The following BBS12 variants were observed in gnomAD, a reference collection of about 807,000 sequenced individuals.
BBS12 encodes the protein Bardet-Biedl syndrome 12.
Under a neutral mutation model 5.6 loss-of-function variants are expected in BBS12, and 5 were observed. That is an observed-to-expected ratio of 0.89 (90% CI 0.46 to 1.86). The LOEUF (loss-of-function observed/expected upper bound fraction) is 1.86, where lower values mean the gene tolerates loss of function less well. Ranked by LOEUF, BBS12 falls within the 40% of genes most tolerant of loss-of-function variation. The pLI, the probability that BBS12 is intolerant of heterozygous loss-of-function variation, is 0.01. For missense variants in BBS12, 748 were observed against 830.4 expected (o/e 0.90, Z 1.22); for synonymous variants, 308 against 306.8 (o/e 1.00, Z -0.04).
In BBS12 at chr4:122,744,054, T is replaced by C. The variant is rs1800947058; in HGVS notation, c.*29T>C. The C allele has an allele frequency of 1.3e-6, 2 of 1,585,576 alleles. No homozygotes were observed. The highest frequency in any genetic ancestry group is 1.7e-6 in the Non-Finnish European group (2 of 1,154,574). On this transcript the variant is annotated 3_prime_UTR_variant, in exon 2 of 2. Coordinates refer to ENST00000314218, the MANE Select transcript of BBS12 (RefSeq NM_152618.3). The stretch of plus-strand genomic sequence containing the variant: ...TACTGGCTAAGTCTTTGGAAAATAA[T>C]TTTTCATAATATGTCATGCTAATAA...
rs1332656784 is a variant in BBS12, at chr4:122,743,402, C to T, written c.1510C>T (p.Leu504Phe). Residue 504 changes from leucine (L) to phenylalanine (F), a missense_variant, in exon 2 of 2, where the codon CTC becomes TTC. Coordinates refer to ENST00000314218, the MANE Select transcript of BBS12 (RefSeq NM_152618.3). ...AGGAATTAATTTGGTTACGGCCGTG[C>T]TCACTAACCCAGTTACTGCACAGAT... ...TEGINLVTAV[L>F]TNPVTAQMQI... 3.1e-6 allele frequency: 5 copies of T among 1,614,192 alleles called. No individual in the cohort carries two copies. The highest frequency in any genetic ancestry group is 1.1e-5 in the South Asian group (1 of 91,090).
chr4:122,708,477 G>A, the BBS12 span, among the ~76,000 whole-genome samples: 2 of 152,160 alleles, frequency 1.3e-5, no homozygotes, highest in South Asian at 2.1e-4. Flanking sequence ...TGGAGGAGAT[G>A]GGGATAACAC....
chr4:122,710,499 A>G, the BBS12 span, among the ~76,000 whole-genome samples: 1 of 152,196 alleles, frequency 6.6e-6, no homozygotes, highest in Non-Finnish European at 1.5e-5. Context: ...GGAATTATTC[A>G]TATCCAGTTG....
the BBS12 span, among the ~76,000 whole-genome samples, chr4:122,705,570 G>A: frequency 6.6e-6 from 1 of 152,230 alleles, no homozygotes; most frequent in Non-Finnish European, 1.5e-5. Flanking sequence ...CCCTTGGACT[G>A]CATTTGCTAA....
the BBS12 span, among the ~76,000 whole-genome samples, chr4:122,703,235 G>A: frequency 2.6e-5 from 4 of 152,026 alleles, no homozygotes; most frequent in Admixed American, 2.6e-4. Flanking sequence ...AGGCTATGAG[G>A]ACCTGCCACT....
chr4:122,722,982 T>C, the BBS12 span, among the ~76,000 whole-genome samples: 1 of 152,216 alleles, frequency 6.6e-6, no homozygotes, highest in Non-Finnish European at 1.5e-5. Flanking sequence ...ACCCTTACGC[T>C]GTTCACAGAA....
At chr4:122,708,249 G>A in the BBS12 span, among the ~76,000 whole-genome samples, 1 of 152,048 alleles carries the variant, frequency 6.6e-6, no homozygotes, top group East Asian at 1.9e-4. Flanking sequence ...GGGCTCAAGT[G>A]ATCCACCTGC....
chr4:122,714,508 G>A, the BBS12 span, among the ~76,000 whole-genome samples: 1 of 151,996 alleles, frequency 6.6e-6, no homozygotes, highest in Non-Finnish European at 1.5e-5. Flanking sequence ...TGCCAGGCGT[G>A]GTGGCTCATG....
chr4:122,741,039 G>A (rs1800862646), intron 1 of BBS12, among the ~76,000 whole-genome samples: 1 of 152,126 alleles, frequency 6.6e-6, no homozygotes, highest in African/African-American at 2.4e-5. Context: ...GTTGTTTCTT[G>A]ATCTTTTTTA....
the BBS12 span, among the ~76,000 whole-genome samples, chr4:122,700,468 G>A: frequency 6.6e-6 from 1 of 152,186 alleles, no homozygotes; most frequent in Non-Finnish European, 1.5e-5. Context: ...GCAAGTAAGG[G>A]AGCACAGTCC....
At chr4:122,725,461 A>C in the BBS12 span, among the ~76,000 whole-genome samples, 1 of 152,230 alleles carries the variant, frequency 6.6e-6, no homozygotes, top group African/African-American at 2.4e-5. Flanking sequence ...ATAAACCCAA[A>C]TACTTACAGC....
upstream of BBS12, chr4:122,728,673 CAA>C (rs1014533702): frequency 1.6e-4 from 25 of 152,162 alleles, no homozygotes; most frequent in Non-Finnish European, 4.4e-5. Context: ...AATTAGAAAT[CAA>C]AGACACTGTG....
the BBS12 span, among the ~76,000 whole-genome samples, chr4:122,722,056 ATTTTT>A: frequency 9.9e-5 from 15 of 152,152 alleles, no homozygotes; most frequent in African/African-American, 3.6e-4. Context: ...GAAGCTTTAT[ATTTTT>A]ACCTTTCATA....
chr4:122,727,277 C>A, the BBS12 span, among the ~76,000 whole-genome samples: 1 of 152,126 alleles, frequency 6.6e-6, no homozygotes, highest in East Asian at 1.9e-4. Flanking sequence ...CGGAGTCTCG[C>A]TCTGTCACCC....
the BBS12 span, among the ~76,000 whole-genome samples, chr4:122,705,671 C>G: frequency 6.6e-6 from 1 of 152,222 alleles, no homozygotes; most frequent in African/African-American, 2.4e-5. Context: ...TGTATCTACA[C>G]TCTCATTTTG....
At chr4:122,729,621 C>T (rs1477415163), upstream of BBS12, 1 of 152,182 alleles carries the variant, frequency 6.6e-6, no homozygotes, top group Admixed American at 6.5e-5. Context: ...ATACAATCAG[C>T]TTCCAACTTG....
At chr4:122,731,089 A>C (rs903646140), upstream of BBS12, 1 of 152,210 alleles carries the variant, frequency 6.6e-6, no homozygotes, top group African/African-American at 2.4e-5. Context: ...GTCTTTTAAC[A>C]ATTATGTACT....
At chr4:122,736,920 C>A (rs1311461812) in intron 1 of BBS12, among the ~76,000 whole-genome samples, 1 of 152,122 alleles carries the variant, frequency 6.6e-6, no homozygotes, top group East Asian at 1.9e-4. Flanking sequence ...ATTACTAAAA[C>A]TTGGAATAGC....
At chr4:122,719,414 G>C in the BBS12 span, among the ~76,000 whole-genome samples, 1 of 152,108 alleles carries the variant, frequency 6.6e-6, no homozygotes, top group South Asian at 2.1e-4. Context: ...CGTCGTGGAA[G>C]CTTTGTTCTT....
Sources: allele counts gnomAD v4.1 joint callset (sites outside exome capture counted in the v4.1 genomes callset), GRCh38; gene constraint gnomAD v4.1.1; transcripts MANE v1.5; gene names NCBI Gene and HGNC (gene_info 2026-07-23, HGNC 2026-07-21).